AKAP6: variants seen among roughly 807,000 people sequenced by gnomAD.
AKAP6 encodes A-kinase anchor protein 6.
A neutral mutation model predicts 188.5 loss-of-function variants in AKAP6; 58 were observed. The ratio of observed to expected loss-of-function variants is 0.31; its 90% CI spans 0.25 to 0.38. The LOEUF (loss-of-function observed/expected upper bound fraction) is 0.38, where lower values mean the gene tolerates loss of function less well. AKAP6 is among the 10% of genes least tolerant of loss of function. The pLI, the probability that AKAP6 is intolerant of heterozygous loss-of-function variation, is 1.00. For synonymous variants in AKAP6, 989 were observed against 998.6 expected, an observed-to-expected ratio of 0.99 and a Z score of 0.18; for missense variants, 2,710 against 2,740.0, an observed-to-expected ratio of 0.99 and a Z score of 0.24.
chr14:32,510,154 A>G (rs147453764), intron 2 of AKAP6, among the ~76,000 whole-genome samples: 1 of 151,556 alleles, frequency 6.6e-6, no homozygotes, highest in African/African-American at 2.4e-5. Context: ...CCTTTGTGTT[A>G]TTTTTTCCTC....
intron 1 of AKAP6, among the ~76,000 whole-genome samples, chr14:32,351,346 C>T (rs189344964): frequency 4.5e-4 from 68 of 152,116 alleles, no homozygotes; most frequent in Middle Eastern, 3.4e-3. Context: ...GTGGATCACC[C>T]GAGGTCGGGA....
At chr14:32,444,603 A>C (rs913223056) in intron 2 of AKAP6, among the ~76,000 whole-genome samples, 2 of 152,170 alleles carry the variant, frequency 1.3e-5, no homozygotes, top group African/African-American at 4.8e-5. Flanking sequence ...CATTAAATGG[A>C]GAAGGAATAT....
chr14:32,791,873 A>G (rs866826022), intron 12 of AKAP6, among the ~76,000 whole-genome samples: 2 of 152,292 alleles, frequency 1.3e-5, no homozygotes, highest in African/African-American at 4.8e-5. Context: ...TTTATTATAT[A>G]GGGAATCCTT....
At chr14:32,346,565 G>T (rs562012132) in intron 1 of AKAP6, among the ~76,000 whole-genome samples, 1 of 152,194 alleles carries the variant, frequency 6.6e-6, no homozygotes. Flanking sequence ...CCGAACTGCG[G>T]TGGTGCTATC....
intron 1 of AKAP6, among the ~76,000 whole-genome samples, chr14:32,350,278 C>T (rs1366644626): frequency 2.0e-5 from 3 of 152,112 alleles, no homozygotes; most frequent in Non-Finnish European, 4.4e-5. Flanking sequence ...ATTGTATACC[C>T]CTAATGTGAT....
At chr14:32,521,619 C>A (rs1331214750) in intron 2 of AKAP6, among the ~76,000 whole-genome samples, 2 of 152,240 alleles carry the variant, frequency 1.3e-5, no homozygotes, top group East Asian at 1.9e-4. Context: ...ACCTAGGAAT[C>A]CAACTTACAA....
chr14:32,755,841 T>C (rs572536244), intron 11 of AKAP6, among the ~76,000 whole-genome samples: 5 of 152,334 alleles, frequency 3.3e-5, no homozygotes, highest in South Asian at 2.1e-4. Flanking sequence ...CAAGAAGACA[T>C]TTAGGGCCAC....
chr14:32,571,289 C>T (rs553004343), intron 4 of AKAP6, among the ~76,000 whole-genome samples: 2 of 151,422 alleles, frequency 1.3e-5, no homozygotes, highest in East Asian at 1.9e-4. Context: ...TTTGGGAGGC[C>T]GAGGTGGAAG....
At chr14:32,588,248 A>G (rs993442434) in intron 5 of AKAP6, among the ~76,000 whole-genome samples, 24 of 152,202 alleles carry the variant, frequency 1.6e-4, no homozygotes, top group African/African-American at 5.8e-4. Context: ...ATATTCTTCT[A>G]TCAGTATATG....
intron 12 of AKAP6, among the ~76,000 whole-genome samples, chr14:32,813,687 T>G (rs2034306298): frequency 6.6e-6 from 1 of 152,136 alleles, no homozygotes; most frequent in African/African-American, 2.4e-5. Flanking sequence ...AGCACTTATG[T>G]GGGCAGCCCC....
chr14:32,561,516 C>T (rs757696408), intron 4 of AKAP6, among the ~76,000 whole-genome samples: 1 of 152,154 alleles, frequency 6.6e-6, no homozygotes, highest in Non-Finnish European at 1.5e-5. Context: ...TATTCCTTGG[C>T]GTATATCACT....
At chr14:32,377,638 C>G (rs562927182) in intron 1 of AKAP6, among the ~76,000 whole-genome samples, 23 of 152,124 alleles carry the variant, frequency 1.5e-4, no homozygotes, top group Non-Finnish European at 3.2e-4. Context: ...TGCTTTCCTC[C>G]TACACAGACA....
chr14:32,331,049 G>A (rs1886517680), intron 1 of AKAP6, among the ~76,000 whole-genome samples: 1 of 152,034 alleles, frequency 6.6e-6, no homozygotes, highest in Non-Finnish European at 1.5e-5. Flanking sequence ...AGGGAAGAGT[G>A]CTAGATGGTG....
intron 1 of AKAP6, among the ~76,000 whole-genome samples, chr14:32,407,683 C>T (rs1365899728): frequency 6.6e-6 from 1 of 152,148 alleles, no homozygotes; most frequent in Non-Finnish European, 1.5e-5. Flanking sequence ...TTTCAGGAAA[C>T]CCATGGTTTT....
At chr14:32,408,496 C>T (rs1484453420) in intron 1 of AKAP6, among the ~76,000 whole-genome samples, 2 of 148,278 alleles carry the variant, frequency 1.3e-5, no homozygotes, top group Non-Finnish European at 3.0e-5. Context: ...TTACTGGGAG[C>T]TTATATATAA....
At chr14:32,547,659 A>C (rs1594732546) in intron 4 of AKAP6, among the ~76,000 whole-genome samples, 1 of 152,222 alleles carries the variant, frequency 6.6e-6, no homozygotes, top group Non-Finnish European at 1.5e-5. Context: ...CTCAGGACCG[A>C]CGGCTTGGGC....
chr14:32,515,357 A>G (rs1331799687), intron 2 of AKAP6, among the ~76,000 whole-genome samples: 2 of 152,182 alleles, frequency 1.3e-5, no homozygotes, highest in African/African-American at 4.8e-5. Context: ...TTGGGGACAC[A>G]GCAAAACTAT....
chr14:32,563,602 A>G (rs542585160), intron 4 of AKAP6, among the ~76,000 whole-genome samples: 68 of 152,234 alleles, frequency 4.5e-4, no homozygotes, highest in African/African-American at 1.6e-3. Flanking sequence ...CTTGGTTATC[A>G]TGGAGCTTCA....
At chr14:32,368,815 C>T (rs1887915485) in intron 1 of AKAP6, among the ~76,000 whole-genome samples, 2 of 150,716 alleles carry the variant, frequency 1.3e-5, no homozygotes, top group African/African-American at 2.5e-5. Flanking sequence ...TCAAATAAGA[C>T]CAAAATAAGA....
Sources: gnomAD v4.1 joint callset for allele counts (sites outside exome capture counted in the v4.1 genomes callset) on GRCh38, gnomAD v4.1.1 for gene constraint, MANE v1.5 for transcripts, NCBI Gene and HGNC (gene_info 2026-07-23, HGNC 2026-07-21) for gene names.